Variants in FYB2 observed in about 807,000 individuals in gnomAD.
FYB2 encodes the protein FYN binding protein 2, also known as FYN-binding protein 2.
In FYB2, 103 loss-of-function variants were observed where a neutral mutation model predicts 94.1. That is an observed-to-expected ratio of 1.09 (90% CI 0.93 to 1.29). FYB2 has a LOEUF of 1.29. Ranked by LOEUF, FYB2 falls within the 50% of genes most tolerant of loss-of-function variation. The pLI is 0.00. For synonymous variants in FYB2, 293 were observed against 287.9 expected (o/e 1.02, Z -0.18); for missense variants, 896 against 841.5 (o/e 1.06, Z -0.80).
chr1:56,767,141 A>C (rs757338489), intron 5 of FYB2, among the ~76,000 whole-genome samples: 7 of 152,274 alleles, frequency 4.6e-5, no homozygotes, highest in Non-Finnish European at 1.0e-4. Context: ...GTACAAGCTC[A>C]CTAAATACTA....
intron 6 of FYB2, among the ~76,000 whole-genome samples, chr1:56,757,837 T>C (rs934005594): frequency 1.3e-5 from 2 of 150,922 alleles, no homozygotes; most frequent in African/African-American, 4.9e-5. Flanking sequence ...TGGTACAATA[T>C]CGGCTCGCTG....
At chr1:56,780,047 A>G (rs1408521834) in intron 4 of FYB2, among the ~76,000 whole-genome samples, 1 of 152,152 alleles carries the variant, frequency 6.6e-6, no homozygotes, top group Non-Finnish European at 1.5e-5. Context: ...TTGCCTCCTA[A>G]GATAGTCATT....
intron 5 of FYB2, among the ~76,000 whole-genome samples, chr1:56,760,400 T>C (rs1645463620): frequency 6.6e-6 from 1 of 152,184 alleles, no homozygotes; most frequent in African/African-American, 2.4e-5. Context: ...ACTGTCAGCA[T>C]ATAATTGTTG....
At chr1:56,804,729 CAATAAATAAATA>C (rs1157365777) in intron 1 of FYB2, among the ~76,000 whole-genome samples, 4 of 144,964 alleles carry the variant, frequency 2.8e-5, no homozygotes, top group Non-Finnish European at 6.3e-5. Context: ...GACTCCATCT[CAATAAATAAATA>C]AATAAATACA....
chr1:56,811,808 A>G (rs923311783), intron 1 of FYB2, among the ~76,000 whole-genome samples: 2 of 152,218 alleles, frequency 1.3e-5, no homozygotes, highest in Admixed American at 6.5e-5. Context: ...ACACTTTTGG[A>G]TGATTTTTTT....
intron 7 of FYB2, among the ~76,000 whole-genome samples, chr1:56,755,252 G>A (rs1456600784): frequency 6.6e-6 from 1 of 152,034 alleles, no homozygotes; most frequent in Non-Finnish European, 1.5e-5. Context: ...AGACAGGAAG[G>A]GGAGTAGGGA....
chr1:56,743,651 T>G (rs1488962048), intron 11 of FYB2, among the ~76,000 whole-genome samples: 1 of 152,016 alleles, frequency 6.6e-6, no homozygotes, highest in Non-Finnish European at 1.5e-5. Flanking sequence ...TCCAGAGGTC[T>G]GTAGGGGTAG....
Position 56,719,528 on chromosome 1 carries a change from C to T in FYB2, c.*143G>A. On this transcript the variant is annotated 3_prime_UTR_variant, in exon 20 of 20. Transcript: ENST00000343433. ...ATGTTGAGGATTTGTTTTTATTTTTCTCTTTTAAGTTCAGAACGAAAGTTT... is the reference window on the plus strand; with the variant it reads ...ATGTTGAGGATTTGTTTTTATTTTTTTCTTTTAAGTTCAGAACGAAAGTTT... The T allele has an allele frequency of 6.0e-6, 4 of 665,874 alleles. No individual in the cohort carries two copies. Among genetic ancestry groups the T allele is most frequent in the Non-Finnish European group, 9.8e-6 (4 of 410,072 alleles). 41.2% of individuals were successfully genotyped at this position (665,874 alleles called of 1,614,324 possible).
At chr1:56,765,605 C>T (rs1237941981) in intron 5 of FYB2, among the ~76,000 whole-genome samples, 2 of 152,136 alleles carry the variant, frequency 1.3e-5, no homozygotes, top group African/African-American at 4.8e-5. Context: ...TTCTAGGTTG[C>T]CCTTTTCCTG....
At chr1:56,821,626 A>G (rs924429551), upstream of FYB2, among the ~76,000 whole-genome samples, 1 of 152,246 alleles carries the variant, frequency 6.6e-6, no homozygotes, top group African/African-American at 2.4e-5. Flanking sequence ...AGTAAACACC[A>G]GTAATGTCAG....
At chr1:56,752,540 A>G (rs565135880) in intron 8 of FYB2, among the ~76,000 whole-genome samples, 102 of 152,170 alleles carry the variant, frequency 6.7e-4, no homozygotes, top group African/African-American at 2.4e-3. Flanking sequence ...GAAGAATAAG[A>G]GGAGGGGCAT....
chr1:56,732,177 T>C (rs1644725936), intron 15 of FYB2, among the ~76,000 whole-genome samples: 1 of 152,112 alleles, frequency 6.6e-6, no homozygotes, highest in Admixed American at 6.5e-5. Flanking sequence ...AGCGTTTCTA[T>C]ACATGAACAA....
intron 4 of FYB2, among the ~76,000 whole-genome samples, chr1:56,772,455 C>G (rs1383080470): frequency 1.3e-5 from 2 of 152,094 alleles, no homozygotes; most frequent in Non-Finnish European, 1.5e-5. Flanking sequence ...ATCCCTGGTC[C>G]ATTAAAACTA....
At chr1:56,780,922 A>G (rs1645993937) in intron 4 of FYB2, among the ~76,000 whole-genome samples, 1 of 152,184 alleles carries the variant, frequency 6.6e-6, no homozygotes, top group African/African-American at 2.4e-5. Context: ...GGCAGGACAC[A>G]GGCTTCAAAA....
intron 15 of FYB2, among the ~76,000 whole-genome samples, chr1:56,735,717 TTC>T (rs1364469060): frequency 6.6e-6 from 1 of 152,062 alleles, no homozygotes; most frequent in East Asian, 1.9e-4. Flanking sequence ...TCACTTTCTC[TTC>T]TCTCTCTTGC....
intron 11 of FYB2, among the ~76,000 whole-genome samples, 159 bp from the exon 12 acceptor site, chr1:56,742,380 A>G (rs1485340672): frequency 6.6e-6 from 1 of 152,118 alleles, no homozygotes; most frequent in Non-Finnish European, 1.5e-5. Flanking sequence ...TTTTAAAAGC[A>G]TATGGTAAAA....
At chr1:56,723,227 A>G (rs28397809) in intron 17 of FYB2, among the ~76,000 whole-genome samples, 24,142 of 150,630 alleles carry the variant, frequency 0.16, 2,898 homozygotes, top group African/African-American at 0.33. Context: ...ACACACACGC[A>G]CACACACACA....
chr1:56,819,057 C>T (rs1298879685), intron 1 of FYB2, among the ~76,000 whole-genome samples: 4 of 152,192 alleles, frequency 2.6e-5, no homozygotes, highest in Non-Finnish European at 4.4e-5. Flanking sequence ...CTCCTGTCCC[C>T]TCACACTCCA....
At chr1:56,809,366 T>C (rs1646715798) in intron 1 of FYB2, among the ~76,000 whole-genome samples, 1 of 152,204 alleles carries the variant, frequency 6.6e-6, no homozygotes, top group Non-Finnish European at 1.5e-5. Context: ...GAATTTTTTT[T>C]TCTCTACATC....
Sources: gnomAD v4.1 joint callset for allele counts (sites outside exome capture counted in the v4.1 genomes callset) on GRCh38, gnomAD v4.1.1 for gene constraint, MANE v1.5 for transcripts, NCBI Gene and HGNC (gene_info 2026-07-23, HGNC 2026-07-21) for gene names.